Variants in SLC17A8 observed in about 807,000 individuals in gnomAD.
SLC17A8 encodes the protein solute carrier family 17 member 8.
Under a neutral mutation model 58.0 loss-of-function variants are expected in SLC17A8, and 31 were observed. The observed-to-expected ratio is 0.53, with a 90% CI of 0.40 to 0.72. SLC17A8 has a LOEUF of 0.72. Ranked by LOEUF, SLC17A8 falls within the 30% of genes least tolerant of loss-of-function variation. SLC17A8 has a pLI of 0.00. For missense variants in SLC17A8, 655 were observed against 727.8 expected, an observed-to-expected ratio of 0.90 and a Z score of 1.15; for synonymous variants, 228 against 249.0, an observed-to-expected ratio of 0.92 and a Z score of 0.79.
At chr12:100,390,262 T>C (rs1187167444) in intron 2 of SLC17A8, among the ~76,000 whole-genome samples, 1 of 151,950 alleles carries the variant, frequency 6.6e-6, no homozygotes, top group African/African-American at 2.4e-5. Context: ...ACCATGACCA[T>C]TAATATAAAT....
At chr12:100,370,981 A>G (rs1275994342) in intron 1 of SLC17A8, among the ~76,000 whole-genome samples, 2 of 152,310 alleles carry the variant, frequency 1.3e-5, no homozygotes, top group Non-Finnish European at 2.9e-5. Flanking sequence ...AATGAGAGAC[A>G]TAGATACTGT....
At chr12:100,413,583 A>G (rs1952885727) in intron 10 of SLC17A8, among the ~76,000 whole-genome samples, 1 of 152,212 alleles carries the variant, frequency 6.6e-6, no homozygotes, top group Non-Finnish European at 1.5e-5. Context: ...TATATGTGAG[A>G]GAAAGGCCAG....
chr12:100,366,591 A>G (rs1489498827), intron 1 of SLC17A8, among the ~76,000 whole-genome samples: 3 of 152,100 alleles, frequency 2.0e-5, no homozygotes, highest in African/African-American at 7.2e-5. Flanking sequence ...TTGGGGAAGG[A>G]CTGTGGGCAT....
intron 1 of SLC17A8, among the ~76,000 whole-genome samples, chr12:100,373,109 C>G (rs1952569521): frequency 6.6e-6 from 1 of 152,120 alleles, no homozygotes; most frequent in Admixed American, 6.6e-5. Flanking sequence ...AGAGCAGGCA[C>G]CTCCCTAGTG....
At chr12:100,409,186 T>C (rs765298585) in intron 9 of SLC17A8, among the ~76,000 whole-genome samples, 2 of 151,024 alleles carry the variant, frequency 1.3e-5, no homozygotes, top group Non-Finnish European at 1.5e-5. Context: ...TGTATGTATG[T>C]ATGTATGTAT....
At chr12:100,407,087 A>G (rs1310827668) in intron 9 of SLC17A8, among the ~76,000 whole-genome samples, 1 of 152,240 alleles carries the variant, frequency 6.6e-6, no homozygotes, top group African/African-American at 2.4e-5. Flanking sequence ...GTATGAATGC[A>G]CCTAGTGCGG....
At chr12:100,374,237 T>C (rs1049210404) in intron 1 of SLC17A8, among the ~76,000 whole-genome samples, 10 of 152,196 alleles carry the variant, frequency 6.6e-5, no homozygotes, top group African/African-American at 2.4e-4. Flanking sequence ...GTGTGTTCCA[T>C]GATACAGGGT....
chr12:100,357,216 T>A lies in SLC17A8; in HGVS notation c.-176T>A. ...GCAGAGAGAGGAGGGAGTTGTCTTA[T>A]CTTGGAAGATCCGAGCTGGGTTTCA... On this transcript the variant is annotated 5_prime_UTR_variant, in exon 1 of 12. Transcript: ENST00000323346. The A allele has an allele frequency of 1.6e-6, 1 of 627,112 alleles. No homozygotes were observed. The highest frequency in any genetic ancestry group is 2.9e-6 in the Non-Finnish European group (1 of 345,028). 38.8% of individuals were successfully genotyped at this position (627,112 alleles called of 1,614,324 possible). A position where few individuals can be genotyped will look rare whatever the true frequency, so the allele number is the denominator to read the frequency against.
At chr12:100,361,305 CACTCT>C (rs1952482742) in intron 1 of SLC17A8, among the ~76,000 whole-genome samples, 1 of 152,236 alleles carries the variant, frequency 6.6e-6, no homozygotes, top group African/African-American at 2.4e-5. Flanking sequence ...TTTCCTGCCT[CACTCT>C]ACTCTGGATT....
chr12:100,368,640 A>G (rs1206563221), intron 1 of SLC17A8, among the ~76,000 whole-genome samples: 6 of 152,132 alleles, frequency 3.9e-5, no homozygotes, highest in Non-Finnish European at 7.4e-5. Context: ...CTTGATGTAA[A>G]TGTTCATCAG....
At position 100,379,434 on chromosome 12, in the gene SLC17A8, C is replaced by CA. The variant is rs142965532; in HGVS notation, c.102-1267_102-1266insA. 3.0e-3 allele frequency among the ~76,000 whole-genome samples: 415 copies of CA among 137,378 alleles called. 25 individuals carry two copies. Among genetic ancestry groups the CA allele is most frequent in the African/African-American group, 7.6e-3 (281 of 36,784 alleles). The allele number at this position is 137,378 out of a possible 152,430, so 90.1% of individuals were successfully genotyped here. A position where few individuals can be genotyped will look rare whatever the true frequency, so the allele number is the denominator to read the frequency against. On this transcript the variant is annotated intron_variant, in intron 1 of 11. Transcript: ENST00000323346. Reference sequence around the variant, plus strand: ...CTGGCAACAGACCGAGATTCCGTCCCCAAAAAAAAAAAAAAAAGAACCTGC... The same window carrying CA: ...CTGGCAACAGACCGAGATTCCGTCCCACAAAAAAAAAAAAAAAAGAACCTGC...
intron 1 of SLC17A8, among the ~76,000 whole-genome samples, chr12:100,371,733 A>G (rs747842357): frequency 1.3e-5 from 2 of 152,078 alleles, no homozygotes; most frequent in Non-Finnish European, 2.9e-5. Context: ...TATTTTTAGT[A>G]GAGATGGGTT....
intron 9 of SLC17A8, among the ~76,000 whole-genome samples, chr12:100,408,031 T>A (rs537685461): frequency 1.2e-3 from 176 of 152,304 alleles, no homozygotes; most frequent in African/African-American, 4.0e-3. Flanking sequence ...GATAACTACA[T>A]GAAAACAAAG....
At chr12:100,383,935 C>T (rs574026289) in intron 2 of SLC17A8, among the ~76,000 whole-genome samples, 1 of 152,252 alleles carries the variant, frequency 6.6e-6, no homozygotes, top group Non-Finnish European at 1.5e-5. Context: ...AAACCCCTGG[C>T]CTCAAGGGAT....
chr12:100,364,047 CA>C (rs3057169), intron 1 of SLC17A8, among the ~76,000 whole-genome samples: 742 of 52,988 alleles, frequency 0.014, 2 homozygotes, highest in Admixed American at 0.025. Context: ...GATTCCATCT[CA>C]AAAAAAAAAA....
intron 1 of SLC17A8, among the ~76,000 whole-genome samples, chr12:100,363,212 T>A (rs1197592113): frequency 6.6e-6 from 1 of 152,176 alleles, no homozygotes; most frequent in Non-Finnish European, 1.5e-5. Flanking sequence ...GAATCGGGAT[T>A]TCTAGCTCCT....
intron 4 of SLC17A8, 81 bp downstream of exon 4, chr12:100,393,564 C>A (rs1350607109): frequency 2.9e-6 from 3 of 1,039,264 alleles, no homozygotes; most frequent in East Asian, 4.9e-5. Context: ...TGAAGAAAAT[C>A]CCCTTTACTC....
chr12:100,396,940 C>A (rs1414059778), intron 5 of SLC17A8, among the ~76,000 whole-genome samples: 3 of 152,118 alleles, frequency 2.0e-5, no homozygotes, highest in Non-Finnish European at 4.4e-5. Flanking sequence ...ACTCTGCTAT[C>A]CTCAGACATA....
chr12:100,404,443 G>T, intron 9 of SLC17A8: 1 of 411,162 alleles, frequency 2.4e-6, no homozygotes, highest in Non-Finnish European at 4.6e-6. Flanking sequence ...ATATGTTTTG[G>T]TAAGAAACAG....
Sources: allele counts gnomAD v4.1 joint callset (sites outside exome capture counted in the v4.1 genomes callset), GRCh38; gene constraint gnomAD v4.1.1; transcripts MANE v1.5; gene names NCBI Gene and HGNC (gene_info 2026-07-23, HGNC 2026-07-21).